DNAH11: variants seen among roughly 807,000 people sequenced by gnomAD.
DNAH11 encodes dynein axonemal heavy chain 11, also known as axonemal beta dynein heavy chain 11.
Under a neutral mutation model 526.0 loss-of-function variants are expected in DNAH11, and 442 were observed. The observed-to-expected ratio is 0.84, with a 90% CI of 0.78 to 0.91. The LOEUF (loss-of-function observed/expected upper bound fraction) is 0.91, where lower values mean the gene tolerates loss of function less well. DNAH11 is among the 40% of genes least tolerant of loss of function. The pLI is 0.00. For missense variants in DNAH11, 6,989 were observed against 5,448.7 expected (o/e 1.28, Z -8.90); for synonymous variants, 2,461 against 1,935.9 (o/e 1.27, Z -7.12).
At chr7:21,717,362 G>A (rs551760493) in intron 42 of DNAH11, among the ~76,000 whole-genome samples, 3 of 152,054 alleles carry the variant, frequency 2.0e-5, no homozygotes, top group South Asian at 2.1e-4. Context: ...CTTTTTATTC[G>A]TAACTGATTT....
intron 54 of DNAH11, among the ~76,000 whole-genome samples, chr7:21,754,061 C>T (rs539348937): frequency 6.6e-5 from 10 of 152,230 alleles, no homozygotes; most frequent in Admixed American, 2.0e-4. Flanking sequence ...TATCATATAG[C>T]CTGCAGGTAA....
In DNAH11 at chr7:21,616,212, A is replaced by C; in HGVS notation, c.4015A>C (p.Ser1339Arg). The C allele has an allele frequency of 6.2e-7, 1 of 1,613,360 alleles. No homozygotes were observed. Among genetic ancestry groups the C allele is most frequent in the Non-Finnish European group, 8.5e-7 (1 of 1,179,518 alleles). Reference sequence around the variant, plus strand: ...TTATCTGCTTTTGCGTTTTCAGAGAAGCATTGATAATTGGACTAAAACCCA... The same window carrying C: ...TTATCTGCTTTTGCGTTTTCAGAGACGCATTGATAATTGGACTAAAACCCA... ...LWDVIIYVRR[S>R]IDNWTKTQWR... The change falls in exon 22 of 82, where the codon AGC (serine) becomes CGC (arginine). Residue 1339 changes from serine (S) to arginine (R), a missense_variant. Physicochemically the swap from Ser to Arg is moderately radical, Grantham distance 110. Coordinates refer to ENST00000409508, the MANE Select transcript of DNAH11 (RefSeq NM_001277115.2).
rs768716463 is a variant in DNAH11, at chr7:21,866,613, G to T, written c.11640G>T (p.Lys3880Asn). The T allele has an allele frequency of 6.2e-7, 1 of 1,613,872 alleles. No homozygotes were observed. Among genetic ancestry groups the T allele is most frequent in the Admixed American group, 1.7e-5 (1 of 59,990 alleles). ...GGAAGAAGAAAAGTTTAATACAGAA[G>T]CTGATTCTTCTGAGAGCAATGCGCC... ...QEWKKKSLIQ[K>N]LILLRAMRPD... The change falls in exon 71 of 82, where the codon AAG (lysine) becomes AAT (asparagine). Residue 3880 changes from lysine to asparagine, a missense_variant. Physicochemically the swap from Lys to Asn is moderately conservative, Grantham distance 94. Coordinates refer to ENST00000409508, the MANE Select transcript of DNAH11 (RefSeq NM_001277115.2).
chr7:21,637,594 A>G lies in DNAH11; in HGVS notation c.4726-17A>G. ...ATTGTTCTAATATCCACGGCCCCGT[A>G]TTGTACTTTCATGCAGGAGTTAATG... On this transcript the variant is annotated splice_polypyrimidine_tract_variant and intron_variant, in intron 26 of 81. Transcript: ENST00000409508. 6.7e-7 allele frequency: 1 copy of G among 1,503,434 alleles called. No homozygotes were observed. Among genetic ancestry groups the G allele is most frequent in the African/African-American group, 1.4e-5 (1 of 72,556 alleles). 93.1% of individuals were successfully genotyped at this position (1,503,434 alleles called of 1,614,324 possible).
chr7:21,622,321 G>T (rs953510885), intron 25 of DNAH11, among the ~76,000 whole-genome samples: 15 of 152,100 alleles, frequency 9.9e-5, no homozygotes, highest in Non-Finnish European at 2.1e-4. Context: ...AATAAAAGAG[G>T]ATACAAAGAA....
At chr7:21,561,197 A>G (rs749679833) in intron 5 of DNAH11, 27 bp downstream of exon 5, 18 of 1,497,234 alleles carry the variant, frequency 1.2e-5, no homozygotes, top group South Asian at 2.4e-5. Flanking sequence ...TCAGCCTGGC[A>G]TCAATATCAC....
At position 21,816,531 on chromosome 7, in the gene DNAH11, C is replaced by G; in HGVS notation, c.10397C>G (p.Ala3466Gly). 1 of 1,612,630 alleles carries G rather than the reference C, an allele frequency of 6.2e-7. No homozygotes were observed. The highest frequency in any genetic ancestry group is 8.5e-7 in the Non-Finnish European group (1 of 1,179,492). Reference protein sequence around the residue: ...ISMLTDDATIAAWNNEGLPSD... With the variant: ...ISMLTDDATIGAWNNEGLPSD... ...ATGTTGACGGATGATGCTACAATTG[C>G]CGCCTGGAATAACGAAGGACTGCCC... Residue 3466 changes from alanine to glycine, a missense_variant, in exon 64 of 82, where the codon GCC becomes GGC. Transcript: ENST00000409508.
In DNAH11 at chr7:21,599,871, G is replaced by T; in HGVS notation, c.2752G>T (p.Gly918Cys). ...VEFIDDIVVE[G>C]FFQAIMHDLD... is the part of the protein sequence containing the mutation. The stretch of plus-strand genomic sequence containing the variant: ...ATTCATTGACGACATTGTGGTGGAA[G>T]GCTTTTTTCAGGCTATAATGCACGA... Residue 918 changes from glycine to cysteine, a missense_variant, in exon 15 of 82, where the codon GGC (glycine) becomes TGC (cysteine). Gly to Cys is a radical substitution (Grantham distance 159). Coordinates refer to ENST00000409508, the MANE Select transcript of DNAH11 (RefSeq NM_001277115.2). 2 of 1,610,348 alleles carry T rather than the reference G, an allele frequency of 1.2e-6. No individual in the cohort carries two copies. Among genetic ancestry groups the T allele is most frequent in the South Asian group, 2.2e-5 (2 of 90,682 alleles).
rs532299549 is a variant in DNAH11, at chr7:21,867,134, A to G, written c.11690+471A>G. Among the ~76,000 whole-genome samples the G allele has an allele frequency of 3.3e-5, 5 of 152,332 alleles. No homozygotes were observed. In the South Asian group the frequency reaches 8.3e-4, roughly 25 times the overall value. Reference sequence around the variant, plus strand: ...AGTTTCAAAGCAGAAACCCTTGTCTACATCTTGGTTTAAGTGTCCTTTTTC... The same window carrying G: ...AGTTTCAAAGCAGAAACCCTTGTCTGCATCTTGGTTTAAGTGTCCTTTTTC... On this transcript the variant is annotated intron_variant, in intron 71 of 81. Transcript: ENST00000409508.
At chr7:21,580,531 A>G (rs1436586552) in intron 8 of DNAH11, among the ~76,000 whole-genome samples, 1 of 152,248 alleles carries the variant, frequency 6.6e-6, no homozygotes, top group Non-Finnish European at 1.5e-5. Flanking sequence ...TGGGTAGCTT[A>G]TAAACAACAG....
At chr7:21,801,389 A>G in intron 62 of DNAH11, 114 bp downstream of exon 62, 2 of 1,360,492 alleles carry the variant, frequency 1.5e-6, no homozygotes, top group Non-Finnish European at 1.0e-6. Context: ...ACAAAGGATA[A>G]TATTTGATAA....
intron 28 of DNAH11, among the ~76,000 whole-genome samples, chr7:21,654,249 C>T (rs954687114): frequency 3.9e-5 from 6 of 152,182 alleles, no homozygotes; most frequent in African/African-American, 7.2e-5. Flanking sequence ...ACCCCTCCCT[C>T]CAGCCCCTAG....
intron 54 of DNAH11, among the ~76,000 whole-genome samples, chr7:21,764,787 G>A (rs1787098599): frequency 2.0e-5 from 3 of 152,122 alleles, no homozygotes; most frequent in Admixed American, 2.0e-4. Context: ...TAACTTTTAG[G>A]TCATTACATA....
intron 30 of DNAH11, among the ~76,000 whole-genome samples, chr7:21,659,915 A>G (rs577679437): frequency 6.6e-6 from 1 of 152,234 alleles, no homozygotes; most frequent in Admixed American, 6.5e-5. Context: ...TACTCTTTCA[A>G]TCTTGCATAG....
intron 65 of DNAH11, among the ~76,000 whole-genome samples, chr7:21,835,703 G>C (rs1267354236): frequency 6.6e-6 from 1 of 151,904 alleles, no homozygotes; most frequent in Non-Finnish European, 1.5e-5. Flanking sequence ...TCTGAAACAA[G>C]ACAAGGATTC....
chr7:21,749,053 T>G (rs1047530728), intron 52 of DNAH11, among the ~76,000 whole-genome samples: 1 of 152,176 alleles, frequency 6.6e-6, no homozygotes, highest in Non-Finnish European at 1.5e-5. Flanking sequence ...TGATGCGTAT[T>G]GCTGTTAGTG....
intron 54 of DNAH11, 144 bp from the exon 55 acceptor site, chr7:21,765,284 A>G (rs930549419): frequency 2.8e-5 from 32 of 1,149,152 alleles, no homozygotes; most frequent in Non-Finnish European, 3.9e-5. Context: ...AAGGAGGTTA[A>G]TGTTGCTGTC....
chr7:21,557,702 T>G (rs1783275226), intron 2 of DNAH11, among the ~76,000 whole-genome samples: 1 of 152,208 alleles, frequency 6.6e-6, no homozygotes, highest in African/African-American at 2.4e-5. Context: ...TCTTTCATCT[T>G]AAAGATTCAA....
chr7:21,631,729 G>A (rs1381545470), intron 25 of DNAH11, among the ~76,000 whole-genome samples: 1 of 152,168 alleles, frequency 6.6e-6, no homozygotes, highest in South Asian at 2.1e-4. Flanking sequence ...GGCTTTTTGG[G>A]GTACAGTCTC....
Sources: gnomAD v4.1 joint callset for allele counts (sites outside exome capture counted in the v4.1 genomes callset) on GRCh38, gnomAD v4.1.1 for gene constraint, MANE v1.5 for transcripts, NCBI Gene and HGNC (gene_info 2026-07-23, HGNC 2026-07-21) for gene names.